NEBL: variants seen among roughly 807,000 people sequenced by gnomAD.
The protein encoded by NEBL is nebulette.
A neutral mutation model predicts 140.2 loss-of-function variants in NEBL; 122 were observed. The observed-to-expected ratio is 0.87, with a 90% CI of 0.75 to 1.01. The LOEUF is 1.01. NEBL is among the 50% of genes least tolerant of loss of function. The probability of loss-of-function intolerance (pLI) is 0.00; values close to 1 mark genes in which losing one functional copy is unlikely to be tolerated. For missense variants in NEBL, 1,365 were observed against 1,231.3 expected, an observed-to-expected ratio of 1.11 and a Z score of -1.62; for synonymous variants, 436 against 398.9, an observed-to-expected ratio of 1.09 and a Z score of -1.11.
chr10:20,849,615 C>T (rs1842315531), intron 11 of NEBL, among the ~76,000 whole-genome samples: 2 of 152,168 alleles, frequency 1.3e-5, no homozygotes, highest in Admixed American at 1.3e-4. Context: ...CCACCTTCTG[C>T]CATGGGATGA....
intron 11 of NEBL, among the ~76,000 whole-genome samples, chr10:20,846,701 T>A (rs1040204825): frequency 1.5e-4 from 23 of 152,136 alleles, no homozygotes; most frequent in Admixed American, 6.6e-5. Context: ...CTTTAAATGG[T>A]GAAATAGAAA....
At chr10:21,120,387 A>C (rs183416285) in intron 2 of NEBL, among the ~76,000 whole-genome samples, 3,935 of 63,958 alleles carry the variant, frequency 0.062, 74 homozygotes, top group East Asian at 0.11. Context: ...AAAAAAAAAA[A>C]AAATACATAT....
At chr10:21,091,972 T>A (rs538639493) in intron 2 of NEBL, among the ~76,000 whole-genome samples, 90 of 152,366 alleles carry the variant, frequency 5.9e-4, no homozygotes, top group African/African-American at 2.1e-3. Flanking sequence ...GCATTTGCTA[T>A]TGATATTTTT....
chr10:21,260,756 G>A (rs185471167), intron 1 of NEBL, among the ~76,000 whole-genome samples: 146 of 152,248 alleles, frequency 9.6e-4, no homozygotes, highest in Admixed American at 3.4e-3. Context: ...GAGAAAAAAT[G>A]TTGCCCCTCA....
rs533002906 is a variant in NEBL at position 21,057,931 on chromosome 10, T to C, written c.165-37730A>G. ...TTTTTGCATTTCCGAATTTCATCAG[T>C]AAATCATATAATCGTGAACACCAGC... On this transcript the variant is annotated intron_variant, in intron 2 of 6. Transcript: ENST00000417816. Among the ~76,000 whole-genome samples, 5 of 152,234 alleles carry C rather than the reference T, an allele frequency of 3.3e-5. No individual in the cohort carries two copies. The South Asian group carries it at 1.0e-3, about 32-fold the overall frequency.
At chr10:20,985,148 T>C (rs1837207802) in intron 3 of NEBL, among the ~76,000 whole-genome samples, 1 of 152,216 alleles carries the variant, frequency 6.6e-6, no homozygotes, top group African/African-American at 2.4e-5. Flanking sequence ...AAATGTAATG[T>C]ACTTGAATTA....
rs188976785 is a variant in NEBL, at chr10:20,981,419, A to C, written c.250-19640T>G. Reference sequence around the variant, plus strand: ...ACTGCATCTCATAAAAAAAACACACACAAAATTATAAAACAATCACTTTAT... The same window carrying C: ...ACTGCATCTCATAAAAAAAACACACCCAAAATTATAAAACAATCACTTTAT... On this transcript the variant is annotated intron_variant, in intron 3 of 6. Coordinates refer to the NEBL transcript ENST00000417816. 4.8e-3 allele frequency among the ~76,000 whole-genome samples: 736 copies of C among 152,224 alleles called. 7 individuals carry two copies. Among genetic ancestry groups the C allele is most frequent in the African/African-American group, 0.017 (692 of 41,510 alleles).
chr10:20,860,004 A>T (rs1352890881), intron 7 of NEBL, among the ~76,000 whole-genome samples, 178 bp from the exon 8 acceptor site: 1 of 152,126 alleles, frequency 6.6e-6, no homozygotes. Context: ...TAATAAAAAA[A>T]ACTCTGCTTC....
At chr10:20,996,595 A>C (rs1837678028) in intron 3 of NEBL, among the ~76,000 whole-genome samples, 1 of 152,180 alleles carries the variant, frequency 6.6e-6, no homozygotes, top group African/African-American at 2.4e-5. Context: ...TAAGTGGCGG[A>C]GACAAATTGA....
intron 3 of NEBL, among the ~76,000 whole-genome samples, chr10:20,966,417 T>C (rs1477197578): frequency 6.6e-6 from 1 of 152,208 alleles, no homozygotes; most frequent in Non-Finnish European, 1.5e-5. Context: ...ACACATTAAA[T>C]GAATGTTTGC....
intron 3 of NEBL, among the ~76,000 whole-genome samples, chr10:20,963,227 C>T (rs1836140720): frequency 1.3e-5 from 2 of 152,160 alleles, no homozygotes; most frequent in Non-Finnish European, 2.9e-5. Flanking sequence ...CCTCCATCTC[C>T]CAGCATGGGT....
chr10:21,237,264 G>A (rs1400761579), intron 3 of NEBL, among the ~76,000 whole-genome samples: 1 of 152,208 alleles, frequency 6.6e-6, no homozygotes, highest in East Asian at 1.9e-4. Flanking sequence ...GAGTGCAGTA[G>A]CGCAATCTCA....
At chr10:20,983,284 T>C (rs1053678805) in intron 3 of NEBL, among the ~76,000 whole-genome samples, 1 of 152,334 alleles carries the variant, frequency 6.6e-6, no homozygotes, top group South Asian at 2.1e-4. Flanking sequence ...AGAACAATTA[T>C]CTTGAGACCA....
At chr10:21,157,517 G>T (rs1005437861) in intron 2 of NEBL, among the ~76,000 whole-genome samples, 2 of 152,126 alleles carry the variant, frequency 1.3e-5, no homozygotes, top group African/African-American at 2.4e-5. Context: ...GCTGCAGTGA[G>T]CCGAGATGGT....
chr10:20,939,277 A>T (rs1362357785), intron 4 of NEBL, among the ~76,000 whole-genome samples: 2 of 152,246 alleles, frequency 1.3e-5, no homozygotes, highest in Non-Finnish European at 2.9e-5. Context: ...GGGGGCCAAT[A>T]TTCAACATTC....
chr10:21,099,204 T>C (rs1837353233), intron 2 of NEBL, among the ~76,000 whole-genome samples: 1 of 152,170 alleles, frequency 6.6e-6, no homozygotes, highest in Non-Finnish European at 1.5e-5. Flanking sequence ...TTTTTTAAAA[T>C]GACATGAACC....
chr10:21,196,535 G>A (rs1243444667), intron 3 of NEBL, among the ~76,000 whole-genome samples: 2 of 151,446 alleles, frequency 1.3e-5, no homozygotes, highest in Non-Finnish European at 2.9e-5. Flanking sequence ...AATAGGGACG[G>A]GGTTTCACAA....
intron 4 of NEBL, among the ~76,000 whole-genome samples, chr10:20,946,799 G>A (rs572837949): frequency 1.3e-5 from 2 of 152,286 alleles, no homozygotes; most frequent in East Asian, 1.9e-4. Flanking sequence ...CTTAATATCA[G>A]GAGGCTGGAA....
intron 20 of NEBL, chr10:20,818,672 T>G: frequency 1.4e-4 from 61 of 425,104 alleles, no homozygotes; most frequent in South Asian, 3.0e-4. Flanking sequence ...AACTGAACTA[T>G]GAGGTCCTTG....
Sources: gnomAD v4.1 joint callset for allele counts (sites outside exome capture counted in the v4.1 genomes callset) on GRCh38, gnomAD v4.1.1 for gene constraint, MANE v1.5 for transcripts, NCBI Gene and HGNC (gene_info 2026-07-23, HGNC 2026-07-21) for gene names.